LRRTM4: variants seen among roughly 807,000 people sequenced by gnomAD.
LRRTM4 encodes the protein leucine-rich repeat transmembrane neuronal protein 4.
LRRTM4 carries 25 observed loss-of-function variants against 47.6 expected under a neutral mutation model. The observed-to-expected ratio is 0.53, with a 90% CI of 0.38 to 0.73. The LOEUF is 0.73. Ranked by LOEUF, LRRTM4 falls within the 30% of genes least tolerant of loss-of-function variation. The pLI is 0.00. For missense variants in LRRTM4, 638 were observed against 713.4 expected (o/e 0.89, Z 1.20); for synonymous variants, 311 against 269.5 (o/e 1.15, Z -1.51).
At position 77,108,826 on chromosome 2, in the gene LRRTM4, G is replaced by A. The variant is rs367917825; in HGVS notation, c.1552-359910C>T. Among the ~76,000 whole-genome samples the A allele has an allele frequency of 9.2e-5, 14 of 151,800 alleles. No individual in the cohort carries two copies. In the South Asian group the frequency reaches 1.2e-3, roughly 14 times the overall value. On this transcript the variant is annotated intron_variant, in intron 3 of 3. Coordinates refer to ENST00000409884, the MANE Select transcript of LRRTM4 (RefSeq NM_001134745.3). The stretch of plus-strand genomic sequence containing the variant: ...TCTCGATCTCCTGACCTCGTGATCC[G>A]CCCGCCTCGGCCTCCCAAAGTGACA...
chr2:76,802,918 ATTC>A (rs1558664308), intron 3 of LRRTM4, among the ~76,000 whole-genome samples: 1 of 152,164 alleles, frequency 6.6e-6, no homozygotes, highest in Non-Finnish European at 1.5e-5. Context: ...ATGAAATTAG[ATTC>A]TTTTCTTATA....
At chr2:77,251,997 A>G (rs966375722) in intron 3 of LRRTM4, among the ~76,000 whole-genome samples, 2 of 152,174 alleles carry the variant, frequency 1.3e-5, no homozygotes, top group Admixed American at 1.3e-4. Flanking sequence ...TGAAAATAAA[A>G]TATTCCCTAC....
At chr2:76,826,263 A>G (rs1427825789) in intron 3 of LRRTM4, among the ~76,000 whole-genome samples, 1 of 151,730 alleles carries the variant, frequency 6.6e-6, no homozygotes, top group African/African-American at 2.4e-5. Context: ...GGTAAGGATT[A>G]TAGGAAAGCC....
chr2:76,789,647 C>A (rs1318867182), intron 3 of LRRTM4, among the ~76,000 whole-genome samples: 1 of 152,080 alleles, frequency 6.6e-6, no homozygotes, highest in Non-Finnish European at 1.5e-5. Context: ...GGTTCCCGCT[C>A]CCCATTTATT....
At position 77,043,145 on chromosome 2, in the gene LRRTM4, T is replaced by C. The variant is rs146914896; in HGVS notation, c.1552-294229A>G. Among the ~76,000 whole-genome samples, 830 of 151,906 alleles carry C rather than the reference T, an allele frequency of 5.5e-3. 8 individuals carry two copies. The highest frequency in any genetic ancestry group is 7.1e-3 in the Admixed American group (107 of 15,174). On this transcript the variant is annotated intron_variant, in intron 3 of 3. Coordinates refer to ENST00000409884, the MANE Select transcript of LRRTM4 (RefSeq NM_001134745.3). ...TCTTTCTTTCCTGTTTTGTCTTTTGTACGTATCTTTCATTGTTATTGCTGT... is the reference window on the plus strand; with the variant it reads ...TCTTTCTTTCCTGTTTTGTCTTTTGCACGTATCTTTCATTGTTATTGCTGT...
At chr2:77,391,764 T>C (rs1289868822) in intron 3 of LRRTM4, among the ~76,000 whole-genome samples, 8 of 151,948 alleles carry the variant, frequency 5.3e-5, no homozygotes. Context: ...CCATGATTAT[T>C]ACTGGAATGG....
rs567437080 is a variant in LRRTM4 at position 76,833,411 on chromosome 2, C to T, written c.1552-84495G>A. ...CTACACTAAACATATTTTATCTCAGCTCTAGAGAAACTAGATATAAAGAAA... is the reference window on the plus strand; with the variant it reads ...CTACACTAAACATATTTTATCTCAGTTCTAGAGAAACTAGATATAAAGAAA... On this transcript the variant is annotated intron_variant, in intron 3 of 3. Coordinates refer to ENST00000409884, the MANE Select transcript of LRRTM4 (RefSeq NM_001134745.3). 4.5e-4 allele frequency among the ~76,000 whole-genome samples: 69 copies of T among 152,146 alleles called. 1 individual carries two copies. The South Asian group carries it at 0.014, about 31-fold the overall frequency.
At chr2:77,042,177 A>G (rs1272943928) in intron 3 of LRRTM4, among the ~76,000 whole-genome samples, 1 of 151,602 alleles carries the variant, frequency 6.6e-6, no homozygotes, top group Non-Finnish European at 1.5e-5. Flanking sequence ...GAATTACACT[A>G]TGAATATATA....
At chr2:77,127,773 A>G (rs559867079) in intron 3 of LRRTM4, among the ~76,000 whole-genome samples, 1 of 152,352 alleles carries the variant, frequency 6.6e-6, no homozygotes, top group African/African-American at 2.4e-5. Context: ...CAAAGACAGT[A>G]GTATCCCTGA....
At chr2:77,293,628 T>G (rs948071109) in intron 3 of LRRTM4, among the ~76,000 whole-genome samples, 2 of 152,152 alleles carry the variant, frequency 1.3e-5, no homozygotes, top group Non-Finnish European at 2.9e-5. Flanking sequence ...TACATATTTT[T>G]GTGAAAAAAC....
chr2:77,000,616 C>G (rs1254686910), intron 3 of LRRTM4, among the ~76,000 whole-genome samples: 1 of 152,092 alleles, frequency 6.6e-6, no homozygotes, highest in Non-Finnish European at 1.5e-5. Context: ...GAAGGTATCT[C>G]TTTATTGTCC....
rs78224215 is a variant in LRRTM4, at chr2:77,282,498, T to C, written c.1551+235820A>G. Among the ~76,000 whole-genome samples, 1,348 of 151,248 alleles carry C rather than the reference T, an allele frequency of 8.9e-3. 23 individuals carry two copies. Among genetic ancestry groups the C allele is most frequent in the African/African-American group, 0.03 (1,224 of 41,402 alleles). On this transcript the variant is annotated intron_variant, in intron 3 of 3. Transcript: ENST00000409884. ...CCAGGATTATGTTAAATAGAAATGG[T>C]AAAAGTGGGCATTCATATGAAACAG... is the stretch of plus-strand genomic sequence containing the variant.
intron 3 of LRRTM4, among the ~76,000 whole-genome samples, chr2:77,057,627 T>C (rs1030100149): frequency 2.6e-5 from 4 of 152,194 alleles, no homozygotes; most frequent in African/African-American, 9.7e-5. Context: ...AAATCCCAGC[T>C]GCACATTAGA....
At chr2:77,225,423 A>T (rs1341915065) in intron 3 of LRRTM4, among the ~76,000 whole-genome samples, 1 of 137,898 alleles carries the variant, frequency 7.3e-6, no homozygotes, top group Non-Finnish European at 1.5e-5. Flanking sequence ...CAAAATTGTG[A>T]GAAAAAAAAA....
intron 3 of LRRTM4, among the ~76,000 whole-genome samples, chr2:77,290,966 G>T (rs921433000): frequency 6.6e-6 from 1 of 152,130 alleles, no homozygotes; most frequent in East Asian, 1.9e-4. Flanking sequence ...ATACATAAGA[G>T]TCCCAGAGGA....
chr2:77,489,225 G>A (rs930600919), intron 3 of LRRTM4, among the ~76,000 whole-genome samples: 6 of 152,074 alleles, frequency 3.9e-5, no homozygotes, highest in Non-Finnish European at 8.8e-5. Flanking sequence ...TAATCTGTCT[G>A]AACCTGTGAA....
intron 3 of LRRTM4, among the ~76,000 whole-genome samples, chr2:76,871,615 G>A (rs1405179945): frequency 6.6e-6 from 1 of 152,080 alleles, no homozygotes; most frequent in African/African-American, 2.4e-5. Context: ...TCAGACTTCT[G>A]GGTAACCCTC....
intron 3 of LRRTM4, among the ~76,000 whole-genome samples, chr2:76,930,184 G>A (rs1313115171): frequency 1.3e-5 from 2 of 152,094 alleles, no homozygotes; most frequent in African/African-American, 4.8e-5. Context: ...AGCACCATCT[G>A]TAATTAGGTA....
intron 3 of LRRTM4, among the ~76,000 whole-genome samples, chr2:76,898,681 C>T (rs116207987): frequency 0.01 from 1,579 of 150,756 alleles, 33 homozygotes; most frequent in African/African-American, 0.035. Context: ...ATAGAGTTTC[C>T]TGAGCATCTG....
Sources: gnomAD v4.1 joint callset for allele counts (sites outside exome capture counted in the v4.1 genomes callset) on GRCh38, gnomAD v4.1.1 for gene constraint, MANE v1.5 for transcripts, NCBI Gene and HGNC (gene_info 2026-07-23, HGNC 2026-07-21) for gene names.